Variants in FNBP1L observed in about 807,000 individuals in gnomAD.
FNBP1L encodes the protein formin binding protein 1 like.
A neutral mutation model predicts 91.2 loss-of-function variants in FNBP1L; 36 were observed. The observed-to-expected ratio is 0.39, with a 90% CI of 0.30 to 0.52. The LOEUF is 0.52. Ranked by LOEUF, FNBP1L falls within the 20% of genes least tolerant of loss-of-function variation. The pLI is 0.66. For missense variants in FNBP1L, 571 were observed against 732.1 expected (o/e 0.78, Z 2.54); for synonymous variants, 242 against 237.0 (o/e 1.02, Z -0.19).
chr1:93,524,280 A>G lies in FNBP1L; in HGVS notation c.362A>G (p.Lys121Arg). The G allele has an allele frequency of 6.6e-7, 1 of 1,504,976 alleles. No individual in the cohort carries two copies. Among genetic ancestry groups the G allele is most frequent in the Non-Finnish European group, 8.9e-7 (1 of 1,125,150 alleles). The allele number at this position is 1,504,976 out of a possible 1,614,324, so 93.2% of individuals were successfully genotyped here. ...ERKMHLQEGR[K>R]AQQYLDMCWK... Reference sequence around the variant, plus strand: ...CTTCAGCATCTGCAAGAAGGACGAAAAGCTCAACAATATCTTGACATGTGC... The same window carrying G: ...CTTCAGCATCTGCAAGAAGGACGAAGAGCTCAACAATATCTTGACATGTGC... The change falls in exon 5 of 17, where the codon AAA becomes AGA. Residue 121 changes from lysine to arginine, a missense_variant. Lys to Arg is a conservative substitution (Grantham distance 26). This residue lies in a region of FNBP1L where 220 missense variants were observed against 313.6 expected (regional missense o/e 0.70). Coordinates refer to ENST00000271234, the MANE Select transcript of FNBP1L (RefSeq NM_001164473.3).
chr1:93,501,426 G>A (rs1670436401), intron 2 of FNBP1L, among the ~76,000 whole-genome samples: 1 of 152,116 alleles, frequency 6.6e-6, no homozygotes, highest in African/African-American at 2.4e-5. Flanking sequence ...TGTGTCAAAG[G>A]GGAAGCGTGG....
At chr1:93,531,809 A>G (rs566884569) in intron 7 of FNBP1L, among the ~76,000 whole-genome samples, 122 of 152,268 alleles carry the variant, frequency 8.0e-4, no homozygotes, top group Admixed American at 1.2e-3. Flanking sequence ...CTATGGAGCA[A>G]TTCTGTGAAA....
rs1357909059 is a variant in FNBP1L at position 93,476,896 on chromosome 1, T to A, written c.25-22572T>A. Among the ~76,000 whole-genome samples the A allele has an allele frequency of 2.0e-5, 3 of 152,302 alleles. No individual in the cohort carries two copies. In the East Asian group the frequency reaches 5.8e-4, roughly 29 times the overall value. ...AGGACACTTACCATATTAGTTCGTT[T>A]AATCCTTCCAGTCATTTAAGATACA... On this transcript the variant is annotated intron_variant, in intron 1 of 16. Transcript: ENST00000271234.
intron 1 of FNBP1L, among the ~76,000 whole-genome samples, chr1:93,458,917 G>A (rs1214910051): frequency 6.6e-6 from 1 of 152,194 alleles, no homozygotes. Context: ...AGGAAAAACA[G>A]TATAGACCCA....
intron 1 of FNBP1L, among the ~76,000 whole-genome samples, chr1:93,457,566 G>A (rs1668711651): frequency 6.6e-6 from 1 of 151,884 alleles, no homozygotes; most frequent in African/African-American, 2.4e-5. Flanking sequence ...ACATCCTCAG[G>A]GCAAGAGTAG....
intron 1 of FNBP1L, among the ~76,000 whole-genome samples, chr1:93,472,262 A>T (rs986688949): frequency 6.6e-6 from 1 of 152,012 alleles, no homozygotes; most frequent in Non-Finnish European, 1.5e-5. Flanking sequence ...TTCCCTTTTT[A>T]CTCCTATTAA....
At chr1:93,537,431 C>T (rs1671885164) in intron 10 of FNBP1L, among the ~76,000 whole-genome samples, 1 of 151,740 alleles carries the variant, frequency 6.6e-6, no homozygotes, top group Non-Finnish European at 1.5e-5. Context: ...ATTTTTCTTC[C>T]TTTCTGTCTT....
At chr1:93,485,345 A>G (rs573167494) in intron 1 of FNBP1L, among the ~76,000 whole-genome samples, 108 of 152,288 alleles carry the variant, frequency 7.1e-4, no homozygotes, top group Non-Finnish European at 1.3e-3. Context: ...AATTGTCCTA[A>G]GAACATATAC....
intron 1 of FNBP1L, among the ~76,000 whole-genome samples, chr1:93,485,670 C>T (rs1669872267): frequency 6.6e-6 from 1 of 152,128 alleles, no homozygotes; most frequent in Non-Finnish European, 1.5e-5. Context: ...CTACCAGTGC[C>T]AAGTACTATG....
chr1:93,453,451 A>G (rs1283056106), intron 1 of FNBP1L, among the ~76,000 whole-genome samples: 2 of 152,040 alleles, frequency 1.3e-5, no homozygotes, highest in Admixed American at 6.6e-5. Context: ...CCACCCTATA[A>G]ACCTATAAAA....
chr1:93,506,770 A>C (rs1670629814), intron 2 of FNBP1L, among the ~76,000 whole-genome samples: 1 of 152,154 alleles, frequency 6.6e-6, no homozygotes, highest in Admixed American at 6.5e-5. Context: ...GAAGTGAATT[A>C]ATATTTTGAG....
intron 10 of FNBP1L, among the ~76,000 whole-genome samples, chr1:93,537,041 A>C (rs765184660): frequency 4.6e-5 from 7 of 152,040 alleles, no homozygotes; most frequent in Non-Finnish European, 8.8e-5. Flanking sequence ...GTAAATTGTA[A>C]AGCCTACAAA....
At chr1:93,547,197 A>T (rs531138483) in intron 13 of FNBP1L, 150 bp from the exon 14 acceptor site, 101 of 875,730 alleles carry the variant, frequency 1.2e-4, no homozygotes, top group Middle Eastern at 1.1e-3. Context: ...TCAGCTATAA[A>T]GTTGATCCTT....
chr1:93,468,490 G>A (rs568837744), intron 1 of FNBP1L, among the ~76,000 whole-genome samples: 1 of 152,258 alleles, frequency 6.6e-6, no homozygotes, highest in East Asian at 1.9e-4. Flanking sequence ...GAGTGCAGTG[G>A]CACAGTCTTG....
chr1:93,499,264 C>T (rs766919919), intron 1 of FNBP1L, among the ~76,000 whole-genome samples: 14 of 152,018 alleles, frequency 9.2e-5, no homozygotes, highest in East Asian at 1.9e-4. Flanking sequence ...TTTGTAAAGA[C>T]GTTCAGACAT....
intron 1 of FNBP1L, among the ~76,000 whole-genome samples, chr1:93,464,254 C>T (rs140978469): frequency 2.8e-4 from 43 of 152,250 alleles, no homozygotes; most frequent in African/African-American, 1.0e-3. Context: ...GGGTTTTGAA[C>T]AAAGATTTAC....
In FNBP1L at chr1:93,511,073, G is replaced by A. The variant is rs892286653; in HGVS notation, c.141-11009G>A. Among the ~76,000 whole-genome samples the A allele has an allele frequency of 5.9e-5, 9 of 152,164 alleles. 1 individual carries two copies. Among genetic ancestry groups the A allele is most frequent in the African/African-American group, 2.2e-4 (9 of 41,420 alleles). On this transcript the variant is annotated intron_variant, in intron 2 of 16. Coordinates refer to ENST00000271234, the MANE Select transcript of FNBP1L (RefSeq NM_001164473.3). ...AGAACTTCCCCAATCTAGCAAGGCAGGCCAACATTCAGATTCAGGAAATAA... is the reference window on the plus strand; with the variant it reads ...AGAACTTCCCCAATCTAGCAAGGCAAGCCAACATTCAGATTCAGGAAATAA...
chr1:93,547,538 A>G (rs556865899), intron 14 of FNBP1L, 97 bp downstream of exon 14: 2 of 1,044,728 alleles, frequency 1.9e-6, no homozygotes, highest in East Asian at 2.6e-5. Flanking sequence ...TCCAAATTTA[A>G]CAAGTTAAGC....
At position 93,521,936 on chromosome 1, in the gene FNBP1L, G is replaced by A; in HGVS notation, c.141-146G>A. 4 of 376,636 alleles carry A rather than the reference G, an allele frequency of 1.1e-5. No individual in the cohort carries two copies. In the South Asian group the frequency reaches 3.3e-4, roughly 32 times the overall value. 23.3% of individuals were successfully genotyped at this position (376,636 alleles called of 1,614,324 possible). ...ATTGTAAGTAATGATTACATATTAT[G>A]ATGCTAATGGAGTAGAGATCATATT... On this transcript the variant is annotated intron_variant, in intron 2 of 16. Coordinates refer to ENST00000271234, the MANE Select transcript of FNBP1L (RefSeq NM_001164473.3).
Sources: gnomAD v4.1 joint callset for allele counts (sites outside exome capture counted in the v4.1 genomes callset) on GRCh38, gnomAD v4.1.1 for gene constraint, gnomAD v4.1.1 regional missense constraint, MANE v1.5 for transcripts, NCBI Gene and HGNC (gene_info 2026-07-23, HGNC 2026-07-21) for gene names.